Variants in FGGY observed in about 807,000 individuals in gnomAD.
FGGY encodes FGGY carbohydrate kinase domain-containing protein.
Under a neutral mutation model 71.3 loss-of-function variants are expected in FGGY, and 72 were observed. The observed-to-expected ratio is 1.01, with a 90% CI of 0.84 to 1.23. The LOEUF (loss-of-function observed/expected upper bound fraction) is 1.23. Among genes scored for constraint, FGGY ranks in the 50% most tolerant of loss-of-function variants. The pLI, the probability that FGGY is intolerant of heterozygous loss-of-function variation, is 0.00. For synonymous variants in FGGY, 251 were observed against 250.3 expected (o/e 1.00, Z -0.02); for missense variants, 668 against 682.3 (o/e 0.98, Z 0.23).
intron 5 of FGGY, among the ~76,000 whole-genome samples, chr1:59,390,778 A>G (rs1045037646): frequency 6.6e-6 from 1 of 152,204 alleles, no homozygotes; most frequent in Admixed American, 6.5e-5. Context: ...AGTATCACAG[A>G]CACCAATTTA....
intron 8 of FGGY, among the ~76,000 whole-genome samples, chr1:59,571,510 C>T (rs1428801624): frequency 6.6e-6 from 1 of 152,154 alleles, no homozygotes; most frequent in Non-Finnish European, 1.5e-5. Flanking sequence ...TGGGCAGTCA[C>T]TTTGGAAAAC....
At chr1:59,507,684 A>ATGTTTTTTTTTTTTT (rs2094422985) in intron 6 of FGGY, among the ~76,000 whole-genome samples, 1 of 106,944 alleles carries the variant, frequency 9.4e-6, no homozygotes, top group South Asian at 3.0e-4. Flanking sequence ...TGCTTGGCTA[A>ATGTTTTTTTTTTTTT]TTTTTTTTTT....
intron 3 of FGGY, 44 bp downstream of exon 3, chr1:59,340,113 C>T (rs2050365408): frequency 1.4e-6 from 2 of 1,397,814 alleles, no homozygotes; most frequent in South Asian, 1.2e-5. Flanking sequence ...GGATACTTGG[C>T]TGATTAATCC....
At chr1:59,380,293 T>C (rs2059248695) in intron 5 of FGGY, among the ~76,000 whole-genome samples, 1 of 151,190 alleles carries the variant, frequency 6.6e-6, no homozygotes, top group Non-Finnish European at 1.5e-5. Context: ...TGATTTATAA[T>C]CCTTTGGGTA....
At chr1:59,374,985 C>T (rs1455690977) in intron 4 of FGGY, among the ~76,000 whole-genome samples, 2 of 150,978 alleles carry the variant, frequency 1.3e-5, no homozygotes, top group Non-Finnish European at 2.9e-5. Context: ...TTAGTGGGTG[C>T]AGCGCACCAG....
At chr1:59,590,483 C>A (rs1463574862) in intron 8 of FGGY, among the ~76,000 whole-genome samples, 2 of 151,848 alleles carry the variant, frequency 1.3e-5, no homozygotes, top group African/African-American at 2.4e-5. Flanking sequence ...GAGACACAAC[C>A]AAAAAAGAGA....
chr1:59,458,480 G>C (rs947061707), intron 6 of FGGY, among the ~76,000 whole-genome samples: 1 of 151,948 alleles, frequency 6.6e-6, no homozygotes, highest in African/African-American at 2.4e-5. Context: ...TTGGCAATTG[G>C]GTATAACTTC....
chr1:59,514,527 G>A (rs536842103), intron 7 of FGGY, among the ~76,000 whole-genome samples: 37 of 152,238 alleles, frequency 2.4e-4, no homozygotes, highest in African/African-American at 7.0e-4. Flanking sequence ...TTTGTTCCCC[G>A]TAAAATGCAA....
intron 7 of FGGY, among the ~76,000 whole-genome samples, chr1:59,551,045 T>C (rs1452731125): frequency 6.6e-6 from 1 of 152,180 alleles, no homozygotes; most frequent in Non-Finnish European, 1.5e-5. Context: ...ATATGTTTAC[T>C]AGAAAGGAAG....
At chr1:59,645,711 A>T (rs1333107270) in intron 11 of FGGY, among the ~76,000 whole-genome samples, 1 of 152,218 alleles carries the variant, frequency 6.6e-6, no homozygotes, top group African/African-American at 2.4e-5. Context: ...ATTTTTAAAA[A>T]TTATTTTCCT....
At chr1:59,507,522 A>G (rs1371463775) in intron 6 of FGGY, among the ~76,000 whole-genome samples, 2 of 151,390 alleles carry the variant, frequency 1.3e-5, no homozygotes, top group Non-Finnish European at 2.9e-5. Flanking sequence ...TTTTTTATTT[A>G]TTTATTTTTT....
At chr1:59,595,765 A>C (rs1316653746) in intron 8 of FGGY, among the ~76,000 whole-genome samples, 2 of 152,176 alleles carry the variant, frequency 1.3e-5, no homozygotes, top group African/African-American at 4.8e-5. Flanking sequence ...ACTGTACCCT[A>C]TATCATGTCA....
intron 8 of FGGY, among the ~76,000 whole-genome samples, chr1:59,573,060 T>G (rs1158496416): frequency 6.6e-6 from 1 of 152,082 alleles, no homozygotes; most frequent in Non-Finnish European, 1.5e-5. Context: ...AAACCCAAAT[T>G]GAGGGAGATT....
At chr1:59,496,310 A>G (rs537494206) in intron 6 of FGGY, among the ~76,000 whole-genome samples, 1 of 152,322 alleles carries the variant, frequency 6.6e-6, no homozygotes, top group East Asian at 1.9e-4. Context: ...GATAAAGAAA[A>G]TATGGCACAT....
intron 9 of FGGY, among the ~76,000 whole-genome samples, chr1:59,624,378 G>A (rs2096837734): frequency 6.6e-6 from 1 of 152,132 alleles, no homozygotes; most frequent in East Asian, 1.9e-4. Context: ...ATGAAGAATA[G>A]TATCTTCTCC....
chr1:59,585,917 T>G (rs1451012710), intron 8 of FGGY, among the ~76,000 whole-genome samples: 1 of 152,166 alleles, frequency 6.6e-6, no homozygotes, highest in Admixed American at 6.5e-5. Flanking sequence ...GAAAAAATGC[T>G]CATCATCACT....
chr1:59,301,557 A>G (rs2042734241), intron 1 of FGGY, among the ~76,000 whole-genome samples: 1 of 152,084 alleles, frequency 6.6e-6, no homozygotes, highest in Admixed American at 6.5e-5. Flanking sequence ...ATTATTAAGT[A>G]TGATGCATGA....
Position 59,700,880 on chromosome 1 carries a change from A to G in FGGY, c.1512+26747A>G, listed in dbSNP as rs796163060. On this transcript the variant is annotated intron_variant, in intron 14 of 15. Coordinates refer to ENST00000303721, the MANE Select transcript of FGGY (RefSeq NM_018291.5). ...GAAGGGATGTTCGTGGTGAGTCCCA[A>G]ATGACAGAAAGGACAGCAAGTGCAA... Among the ~76,000 whole-genome samples, 82 of 152,294 alleles carry G rather than the reference A, an allele frequency of 5.4e-4. 2 individuals are homozygous for G. Among genetic ancestry groups the G allele is most frequent in the African/African-American group, 8.9e-4 (37 of 41,572 alleles).
chr1:59,585,230 G>C (rs1257948852), intron 8 of FGGY, among the ~76,000 whole-genome samples: 3 of 152,156 alleles, frequency 2.0e-5, no homozygotes, highest in Non-Finnish European at 2.9e-5. Context: ...TAAGCCAAAA[G>C]AACAAAGCTA....
Sources: gnomAD v4.1 joint callset for allele counts (sites outside exome capture counted in the v4.1 genomes callset) on GRCh38, gnomAD v4.1.1 for gene constraint, MANE v1.5 for transcripts, NCBI Gene and HGNC (gene_info 2026-07-23, HGNC 2026-07-21) for gene names.